Variants in ATG10 observed in about 807,000 individuals in gnomAD.
The protein encoded by ATG10 is autophagy related 10.
A neutral mutation model predicts 32.1 loss-of-function variants in ATG10; 30 were observed. That is an observed-to-expected ratio of 0.94 (90% CI 0.70 to 1.27). ATG10 has a LOEUF of 1.27. ATG10 is among the 50% of genes most tolerant of loss of function. The pLI, the probability that ATG10 is intolerant of heterozygous loss-of-function variation, is 0.00. For synonymous variants in ATG10, 87 were observed against 91.5 expected (o/e 0.95, Z 0.28); for missense variants, 233 against 262.3 (o/e 0.89, Z 0.77).
At chr5:82,252,720 T>C in intron 6 of ATG10, 61 bp downstream of exon 6, 1 of 950,760 alleles carries the variant, frequency 1.1e-6, no homozygotes, top group South Asian at 1.5e-5. Context: ...TAAATCTTTT[T>C]ATGTGACTCT....
chr5:82,036,222 A>T (rs1344571479), intron 2 of ATG10, among the ~76,000 whole-genome samples: 1 of 152,080 alleles, frequency 6.6e-6, no homozygotes, highest in Non-Finnish European at 1.5e-5. Flanking sequence ...AACTTCTAAC[A>T]TATATGGCCC....
chr5:82,054,537 G>A (rs560494655), intron 2 of ATG10, among the ~76,000 whole-genome samples: 1 of 152,296 alleles, frequency 6.6e-6, no homozygotes, highest in East Asian at 1.9e-4. Flanking sequence ...AATTTGCTTA[G>A]TGTACTACAA....
At chr5:82,253,241 A>G (rs559956557) in intron 6 of ATG10, 73 bp from the exon 7 acceptor site, 4 of 988,652 alleles carry the variant, frequency 4.0e-6, no homozygotes, top group East Asian at 4.8e-5. Context: ...TTGGTGACCA[A>G]CTGATGTTCT....
intron 2 of ATG10, among the ~76,000 whole-genome samples, chr5:82,041,932 T>A (rs1483524632): frequency 6.6e-6 from 1 of 152,196 alleles, no homozygotes; most frequent in Non-Finnish European, 1.5e-5. Context: ...TATTTTTTTT[T>A]ATCTTTAGAA....
chr5:81,983,415 ACT>A (rs1561238002), intron 1 of ATG10, among the ~76,000 whole-genome samples: 1 of 96,478 alleles, frequency 1.0e-5, no homozygotes, highest in Non-Finnish European at 2.1e-5. Flanking sequence ...CGGGGGGCTG[ACT>A]CCCCCACCTC....
chr5:82,239,368 C>T (rs1746694847), intron 5 of ATG10, among the ~76,000 whole-genome samples: 1 of 152,088 alleles, frequency 6.6e-6, no homozygotes, highest in Non-Finnish European at 1.5e-5. Flanking sequence ...AAGGCACTAA[C>T]CTGGATGCTA....
At chr5:82,250,027 G>T (rs1375428948) in intron 5 of ATG10, among the ~76,000 whole-genome samples, 1 of 152,178 alleles carries the variant, frequency 6.6e-6, no homozygotes, top group Non-Finnish European at 1.5e-5. Flanking sequence ...TTTCATTAAA[G>T]TCAACATGTA....
chr5:82,033,509 C>T (rs1427743395), intron 2 of ATG10, among the ~76,000 whole-genome samples: 1 of 151,904 alleles, frequency 6.6e-6, no homozygotes, highest in Non-Finnish European at 1.5e-5. Context: ...GGCTATATTG[C>T]TCCCTTCTTG....
chr5:82,035,700 G>A (rs1762896854), intron 2 of ATG10, among the ~76,000 whole-genome samples: 1 of 148,898 alleles, frequency 6.7e-6, no homozygotes, highest in African/African-American at 2.5e-5. Context: ...GTTTTATTGT[G>A]AGTTTATTTT....
intron 3 of ATG10, among the ~76,000 whole-genome samples, chr5:82,061,232 CCT>C (rs1285644125): frequency 3.3e-5 from 5 of 152,162 alleles, no homozygotes; most frequent in African/African-American, 9.7e-5. Context: ...AGCTTCCCCA[CCT>C]CTCTATAGCA....
intron 3 of ATG10, among the ~76,000 whole-genome samples, chr5:82,106,543 G>C (rs948076609): frequency 5.3e-5 from 8 of 152,002 alleles, no homozygotes; most frequent in African/African-American, 1.7e-4. Flanking sequence ...ACCAGGGTGA[G>C]ATCTCATTTA....
intron 3 of ATG10, among the ~76,000 whole-genome samples, chr5:82,133,408 T>C (rs948984131): frequency 2.6e-5 from 4 of 152,134 alleles, no homozygotes; most frequent in African/African-American, 9.7e-5. Flanking sequence ...GCATAACGTG[T>C]AAGGAAAGCG....
chr5:82,205,279 G>T (rs1745247439), intron 5 of ATG10, among the ~76,000 whole-genome samples: 1 of 152,190 alleles, frequency 6.6e-6, no homozygotes, highest in Admixed American at 6.5e-5. Flanking sequence ...AGATGAGGGA[G>T]TTGACAGAGA....
intron 3 of ATG10, among the ~76,000 whole-genome samples, chr5:82,107,775 G>A (rs576278558): frequency 3.3e-5 from 5 of 152,134 alleles, no homozygotes; most frequent in African/African-American, 1.2e-4. Context: ...TAGTTGGAGA[G>A]AAAGAAATGT....
chr5:82,047,583 A>G (rs1020422788), intron 2 of ATG10, among the ~76,000 whole-genome samples: 2 of 152,220 alleles, frequency 1.3e-5, no homozygotes, highest in African/African-American at 2.4e-5. Flanking sequence ...TCCCCACATC[A>G]GGTCACCAAA....
chr5:81,979,228 T>TA (rs1021860439), intron 1 of ATG10, among the ~76,000 whole-genome samples: 4 of 143,846 alleles, frequency 2.8e-5, no homozygotes, highest in Non-Finnish European at 3.0e-5. Flanking sequence ...ATTTACAACT[T>TA]AAAAAAAAAT....
At chr5:82,186,720 G>A (rs995963783) in intron 5 of ATG10, among the ~76,000 whole-genome samples, 1 of 150,896 alleles carries the variant, frequency 6.6e-6, no homozygotes, top group African/African-American at 2.4e-5. Flanking sequence ...AGCTTCCCAA[G>A]TAGCTGCGAT....
chr5:82,103,775 T>G (rs1765357134), intron 3 of ATG10, among the ~76,000 whole-genome samples: 2 of 152,134 alleles, frequency 1.3e-5, no homozygotes, highest in South Asian at 4.1e-4. Flanking sequence ...GCTTGGTGGG[T>G]GTTCACAAAG....
chr5:82,120,856 C>T (rs890794891), intron 3 of ATG10, among the ~76,000 whole-genome samples: 1 of 152,084 alleles, frequency 6.6e-6, no homozygotes, highest in African/African-American at 2.4e-5. Flanking sequence ...TGGCCTTAAC[C>T]AGGGTAGGGA....
Sources: gnomAD v4.1 joint callset for allele counts (sites outside exome capture counted in the v4.1 genomes callset) on GRCh38, gnomAD v4.1.1 for gene constraint, MANE v1.5 for transcripts, NCBI Gene and HGNC (gene_info 2026-07-23, HGNC 2026-07-21) for gene names.